Variants in ATP2C2 observed in about 807,000 individuals in gnomAD.
ATP2C2 encodes calcium-transporting ATPase type 2C member 2.
A neutral mutation model predicts 110.8 loss-of-function variants in ATP2C2; 171 were observed. The ratio of observed to expected loss-of-function variants is 1.54; its 90% CI spans 1.36 to 1.75. The LOEUF (loss-of-function observed/expected upper bound fraction) is 1.75. Among genes scored for constraint, ATP2C2 ranks in the 40% most tolerant of loss-of-function variants. ATP2C2 has a pLI of 0.00. For synonymous variants in ATP2C2, 804 were observed against 508.4 expected (o/e 1.58, Z -7.82); for missense variants, 1,963 against 1,235.0 (o/e 1.59, Z -8.84).
At position 84,462,068 on chromosome 16, in the gene ATP2C2, G is replaced by A; in HGVS notation, c.2661G>A (p.Leu887=). ...YSVLGSILGQ[L]AVIYIPPLQR... Reference sequence around the variant, plus strand: ...TCCTGGGGTCCATCCTGGGGCAGCTGGCGGTCATTTACATCCCCCCGCTGC... The same window carrying A: ...TCCTGGGGTCCATCCTGGGGCAGCTAGCGGTCATTTACATCCCCCCGCTGC... Residue 887 remains leucine, a synonymous_variant, in exon 26 of 27, where the codon CTG becomes CTA. Coordinates refer to ENST00000262429, the MANE Select transcript of ATP2C2 (RefSeq NM_014861.4). 1.2e-6 allele frequency: 2 copies of A among 1,614,026 alleles called. No homozygotes were observed. Among genetic ancestry groups the A allele is most frequent in the Non-Finnish European group, 8.5e-7 (1 of 1,179,962 alleles).
At chr16:84,462,493 C>G (rs1197334336) in intron 26 of ATP2C2, 1 of 197,752 alleles carries the variant, frequency 5.1e-6, no homozygotes, top group Non-Finnish European at 1.0e-5. Context: ...GGACTTGACC[C>G]TGGGGCCAGT....
At position 84,459,591 on chromosome 16, in the gene ATP2C2, G is replaced by C. The variant is rs750663148; in HGVS notation, c.2333+205G>C. On this transcript the variant is annotated intron_variant, in intron 23 of 26. Transcript: ENST00000262429. ...AGAAAGTACCTGGGCCGGCAGAGCTGGGTGAGGATGGAACTTTCTGCTCCC... is the reference window on the plus strand; with the variant it reads ...AGAAAGTACCTGGGCCGGCAGAGCTCGGTGAGGATGGAACTTTCTGCTCCC... 6 of 1,535,778 alleles carry C rather than the reference G, an allele frequency of 3.9e-6. No homozygotes were observed. The African/African-American group carries it at 4.1e-5, about 10-fold the overall frequency.
intron 11 of ATP2C2, among the ~76,000 whole-genome samples, chr16:84,434,299 C>A (rs1908550311): frequency 6.6e-6 from 1 of 151,228 alleles, no homozygotes; most frequent in South Asian, 2.1e-4. Context: ...GCCTGTAGTC[C>A]CAGCTACTCG....
At chr16:84,402,787 C>T (rs1045274471) in intron 2 of ATP2C2, among the ~76,000 whole-genome samples, 2 of 152,158 alleles carry the variant, frequency 1.3e-5, no homozygotes, top group African/African-American at 2.4e-5. Flanking sequence ...GTTTTGGTAT[C>T]AGGGTAATAC....
intron 26 of ATP2C2, among the ~76,000 whole-genome samples, chr16:84,463,317 G>A (rs933571546): frequency 4.6e-5 from 7 of 152,144 alleles, no homozygotes; most frequent in East Asian, 1.9e-4. Flanking sequence ...AGCTGCTGTA[G>A]GGAAAGGAAA....
intron 2 of ATP2C2, among the ~76,000 whole-genome samples, chr16:84,403,330 T>G (rs1905465033): frequency 6.6e-6 from 1 of 152,176 alleles, no homozygotes; most frequent in Non-Finnish European, 1.5e-5. Context: ...TTCCAAGACA[T>G]GGTCTCATTC....
intron 16 of ATP2C2, among the ~76,000 whole-genome samples, chr16:84,447,388 A>AT (rs1309130316): frequency 3.9e-5 from 6 of 152,072 alleles, no homozygotes; most frequent in Non-Finnish European, 8.8e-5. Flanking sequence ...GAAATATGAC[A>AT]TAAAAATGAA....
intron 1 of ATP2C2, among the ~76,000 whole-genome samples, chr16:84,373,145 A>G (rs976744668): frequency 1.3e-5 from 2 of 149,292 alleles, no homozygotes; most frequent in Non-Finnish European, 3.0e-5. Flanking sequence ...AGTCAAATTT[A>G]TAATAAAATT....
intron 18 of ATP2C2, 88 bp downstream of exon 18, chr16:84,452,179 A>T (rs1910348396): frequency 6.5e-7 from 1 of 1,534,810 alleles, no homozygotes; most frequent in Non-Finnish European, 8.9e-7. Context: ...GCCTCCGCAA[A>T]CTCGGTCAGG....
chr16:84,376,712 G>C (rs1300756419), intron 1 of ATP2C2, among the ~76,000 whole-genome samples: 1 of 152,138 alleles, frequency 6.6e-6, no homozygotes, highest in African/African-American at 2.4e-5. Context: ...GGTGGAGGAG[G>C]GGAGATGCCA....
In ATP2C2 at chr16:84,394,019, T is replaced by G. The variant is rs79041242; in HGVS notation, c.100-4480T>G. On this transcript the variant is annotated intron_variant, in intron 1 of 26. Coordinates refer to ENST00000262429, the MANE Select transcript of ATP2C2 (RefSeq NM_014861.4). ...AAAAATACCAAAAAAAATAAAAAAATAAAAAATAAAAAGGCCTGGTGTGAT... is the reference window on the plus strand; with the variant it reads ...AAAAATACCAAAAAAAATAAAAAAAGAAAAAATAAAAAGGCCTGGTGTGAT... Among the ~76,000 whole-genome samples the G allele has an allele frequency of 8.7e-4, 124 of 142,542 alleles. 1 individual carries two copies. The highest frequency in any genetic ancestry group is 3.6e-3 in the Middle Eastern group (1 of 276). 93.5% of individuals were successfully genotyped at this position (142,542 alleles called of 152,430 possible).
intron 1 of ATP2C2, among the ~76,000 whole-genome samples, chr16:84,387,111 G>C (rs1040749867): frequency 1.3e-5 from 2 of 148,744 alleles, no homozygotes; most frequent in Non-Finnish European, 1.5e-5. Flanking sequence ...AGCATGCCGC[G>C]CTCTGAGAAC....
intron 2 of ATP2C2, chr16:84,404,916 C>A (rs997263201): frequency 3.2e-6 from 2 of 633,208 alleles, no homozygotes; most frequent in South Asian, 1.5e-5. Context: ...GTCTTTTCTG[C>A]TGTAATTATA....
At chr16:84,374,097 G>A (rs140339891) in intron 1 of ATP2C2, among the ~76,000 whole-genome samples, 5 of 152,184 alleles carry the variant, frequency 3.3e-5, no homozygotes, top group African/African-American at 1.2e-4. Flanking sequence ...TCTTCATTTG[G>A]TATCTATTTG....
intron 3 of ATP2C2, among the ~76,000 whole-genome samples, chr16:84,406,049 G>T (rs533456297): frequency 2.6e-4 from 39 of 152,322 alleles, no homozygotes; most frequent in African/African-American, 8.7e-4. Context: ...CTGAAATTTA[G>T]ATTTTACTGG....
chr16:84,414,045 A>T (rs1266891339), intron 6 of ATP2C2, among the ~76,000 whole-genome samples: 1 of 152,188 alleles, frequency 6.6e-6, no homozygotes, highest in Non-Finnish European at 1.5e-5. Flanking sequence ...AACCCCACTG[A>T]GATGTAATAG....
At chr16:84,410,427 T>C in intron 4 of ATP2C2, 141 bp from the exon 5 acceptor site, 1 of 970,724 alleles carries the variant, frequency 1.0e-6, no homozygotes, top group East Asian at 2.4e-5. Context: ...GGCTAGTATA[T>C]TTTCTAAATT....
chr16:84,440,827 C>T (rs767434176), intron 13 of ATP2C2, 30 bp from the exon 14 acceptor site: 26 of 1,568,780 alleles, frequency 1.7e-5, no homozygotes, highest in African/African-American at 5.4e-5. Context: ...TGACTCTTGG[C>T]GAAACCCTTT....
At chr16:84,394,468 C>A (rs756786643) in intron 1 of ATP2C2, among the ~76,000 whole-genome samples, 2 of 152,090 alleles carry the variant, frequency 1.3e-5, no homozygotes, top group East Asian at 3.8e-4. Context: ...TGTCTGGCTT[C>A]TTCCGCTTAG....
Sources: gnomAD v4.1 joint callset for allele counts (sites outside exome capture counted in the v4.1 genomes callset) on GRCh38, gnomAD v4.1.1 for gene constraint, MANE v1.5 for transcripts, NCBI Gene and HGNC (gene_info 2026-07-23, HGNC 2026-07-21) for gene names.